Variants in CAPN5 observed in about 807,000 individuals in gnomAD.
CAPN5 encodes the protein calpain-5.
A neutral mutation model predicts 73.0 loss-of-function variants in CAPN5; 54 were observed. The ratio of observed to expected loss-of-function variants is 0.74; its 90% CI spans 0.59 to 0.93. The LOEUF (loss-of-function observed/expected upper bound fraction) is 0.93, where lower values mean the gene tolerates loss of function less well. Among genes scored for constraint, CAPN5 ranks in the 40% least tolerant of loss-of-function variants. CAPN5 has a pLI of 0.00. For synonymous variants in CAPN5, 335 were observed against 356.9 expected (o/e 0.94, Z 0.69); for missense variants, 785 against 882.9 (o/e 0.89, Z 1.41).
intron 2 of CAPN5, among the ~76,000 whole-genome samples, chr11:77,090,741 T>C (rs1448514722): frequency 2.0e-5 from 3 of 152,130 alleles, no homozygotes; most frequent in Non-Finnish European, 4.4e-5. Flanking sequence ...GTCCTCCGTA[T>C]ATGGAAGCCC....
intron 3 of CAPN5, among the ~76,000 whole-genome samples, chr11:77,094,741 G>A (rs1386304855): frequency 5.9e-5 from 9 of 152,326 alleles, no homozygotes; most frequent in Non-Finnish European, 1.2e-4. Flanking sequence ...AAGGACAATC[G>A]GAGTAGCTGT....
rs1325813997 is a variant in CAPN5, at chr11:77,125,173, A to C, written c.*1303A>C. Reference sequence around the variant, plus strand: ...GCTTCCAGACCAGGTGTAGCAAATGAAAAAGTGCAGTTAATTCAAGAACAG... The same window carrying C: ...GCTTCCAGACCAGGTGTAGCAAATGCAAAAGTGCAGTTAATTCAAGAACAG... On this transcript the variant is annotated 3_prime_UTR_variant, in exon 13 of 13. Coordinates refer to ENST00000648180, the MANE Select transcript of CAPN5 (RefSeq NM_004055.5). 1 of 152,494 alleles carries C rather than the reference A, an allele frequency of 6.6e-6. No individual in the cohort carries two copies. The highest frequency in any genetic ancestry group is 1.5e-5 in the Non-Finnish European group (1 of 68,040). 9.4% of individuals were successfully genotyped at this position (152,494 alleles called of 1,614,324 possible).
Position 77,100,311 on chromosome 11 carries a change from A to G in CAPN5, c.297+6498A>G, listed in dbSNP as rs115883313. 9.3e-3 allele frequency among the ~76,000 whole-genome samples: 1,407 copies of G among 152,046 alleles called. 15 individuals are homozygous for G. The highest frequency in any genetic ancestry group is 0.03 in the African/African-American group (1,257 of 41,464). ...CCTGTCCCCAGCTGCAGCCTCCTGC[A>G]TCCTGCCTGCTCCCTTGCCCACAAG... On this transcript the variant is annotated intron_variant, in intron 3 of 12. Transcript: ENST00000648180.
chr11:77,122,444 C>A, intron 11 of CAPN5, 132 bp from the exon 12 acceptor site: 2 of 766,678 alleles, frequency 2.6e-6, no homozygotes, highest in Non-Finnish European at 4.3e-6. Context: ...ACGAAGGGGC[C>A]CTGAGGTGGG....
intron 1 of CAPN5, among the ~76,000 whole-genome samples, chr11:77,071,134 C>A (rs1049807702): frequency 1.3e-5 from 2 of 152,250 alleles, no homozygotes; most frequent in South Asian, 4.2e-4. Flanking sequence ...CAGCTCCCGC[C>A]CCCACCCCAG....
intron 6 of CAPN5, 147 bp downstream of exon 6, chr11:77,115,735 G>A: frequency 1.5e-6 from 1 of 674,090 alleles, no homozygotes; most frequent in Non-Finnish European, 2.5e-6. Flanking sequence ...GAATTACTTT[G>A]CAGTGGTTGT....
At position 77,125,579 on chromosome 11, in the gene CAPN5, AC is replaced by A. The variant is rs1950566197; in HGVS notation, c.*1713del. The A allele has an allele frequency of 6.7e-6, 1 of 150,292 alleles. No homozygotes were observed. The highest frequency in any genetic ancestry group is 2.1e-4 in the South Asian group (1 of 4,720). The allele number at this position is 150,292 out of a possible 1,614,324, so 9.3% of individuals were successfully genotyped here. ...GAGTGCTGAGTAAGGGCAAAATAAT[AC>A]CCCTTTCTCTATGTATCTCTGTATG... On this transcript the variant is annotated 3_prime_UTR_variant, in exon 13 of 13. Coordinates refer to ENST00000648180, the MANE Select transcript of CAPN5 (RefSeq NM_004055.5).
intron 1 of CAPN5, among the ~76,000 whole-genome samples, chr11:77,076,549 C>A (rs1949970466): frequency 1.3e-5 from 2 of 152,170 alleles, no homozygotes; most frequent in Non-Finnish European, 2.9e-5. Flanking sequence ...CTGTTAACCA[C>A]CATTTTACCT....
chr11:77,118,105 A>C lies in CAPN5; in HGVS notation c.972-52A>C, dbSNP rs1428612368. ...TAGGTTGTTGGGCTGGGGGGCCAAGAGCCTGGGGAGGTGTGGGGGAGGTAC... is the reference window on the plus strand; with the variant it reads ...TAGGTTGTTGGGCTGGGGGGCCAAGCGCCTGGGGAGGTGTGGGGGAGGTAC... On this transcript the variant is annotated intron_variant, in intron 7 of 12. Coordinates refer to ENST00000648180, the MANE Select transcript of CAPN5 (RefSeq NM_004055.5). The C allele has an allele frequency of 2.6e-6, 4 of 1,530,992 alleles. No individual in the cohort carries two copies. In the African/African-American group the frequency reaches 5.5e-5, roughly 21 times the overall value. 94.8% of individuals were successfully genotyped at this position (1,530,992 alleles called of 1,614,324 possible).
chr11:77,086,854 C>T (rs530545946), intron 2 of CAPN5, among the ~76,000 whole-genome samples: 12 of 152,210 alleles, frequency 7.9e-5, no homozygotes, highest in African/African-American at 1.4e-4. Context: ...GAGGAGGAGA[C>T]GCCAGGTTGG....
chr11:77,074,980 C>T lies in CAPN5; in HGVS notation c.-36+7886C>T, dbSNP rs372888304. Among the ~76,000 whole-genome samples, 195 of 152,340 alleles carry T rather than the reference C, an allele frequency of 1.3e-3. 1 individual carries two copies. Among genetic ancestry groups the T allele is most frequent in the African/African-American group, 4.2e-3 (173 of 41,584 alleles). On this transcript the variant is annotated intron_variant, in intron 1 of 12. Coordinates refer to ENST00000648180, the MANE Select transcript of CAPN5 (RefSeq NM_004055.5). ...AGACTGCCAGTCCAAGTCCTGTGGCCGTTCTTCTGGTCTTTCTGGTTTAGT... is the reference window on the plus strand; with the variant it reads ...AGACTGCCAGTCCAAGTCCTGTGGCTGTTCTTCTGGTCTTTCTGGTTTAGT...
chr11:77,115,697 G>A, intron 6 of CAPN5, 109 bp downstream of exon 6: 3 of 821,526 alleles, frequency 3.7e-6, no homozygotes, highest in Non-Finnish European at 5.8e-6. Flanking sequence ...GGATCTGGGG[G>A]AGGATGACAC....
At chr11:77,104,647 C>G (rs1555039583) in intron 3 of CAPN5, among the ~76,000 whole-genome samples, 1 of 151,928 alleles carries the variant, frequency 6.6e-6, no homozygotes, top group African/African-American at 2.4e-5. Flanking sequence ...GAGTGCCTGA[C>G]CTGCACCTAA....
At chr11:77,076,821 G>A (rs1411529101) in intron 1 of CAPN5, among the ~76,000 whole-genome samples, 1 of 152,162 alleles carries the variant, frequency 6.6e-6, no homozygotes, top group Non-Finnish European at 1.5e-5. Context: ...GTGCTGCAGT[G>A]AACATGGGAG....
At chr11:77,116,048 A>G (rs1029274823) in intron 6 of CAPN5, among the ~76,000 whole-genome samples, 178 bp from the exon 7 acceptor site, 6 of 151,920 alleles carry the variant, frequency 3.9e-5, no homozygotes, top group Non-Finnish European at 2.9e-5. Context: ...TTGTGGGAGG[A>G]GACAGGCAGG....
Position 77,124,133 on chromosome 11 carries a change from C to T in CAPN5, c.*263C>T, listed in dbSNP as rs1001767441. 24 of 492,148 alleles carry T rather than the reference C, an allele frequency of 4.9e-5. 1 individual carries two copies. In the South Asian group the frequency reaches 6.7e-4, roughly 14 times the overall value. The allele number at this position is 492,148 out of a possible 1,614,324, so 30.5% of individuals were successfully genotyped here. A position where few individuals can be genotyped will look rare whatever the true frequency, so the allele number is the denominator to read the frequency against. Reference sequence around the variant, plus strand: ...CAACTGTCACCACTGCTAAGGGACTCTATCCATTGAGCACATTTTCCTAAG... The same window carrying T: ...CAACTGTCACCACTGCTAAGGGACTTTATCCATTGAGCACATTTTCCTAAG... On this transcript the variant is annotated 3_prime_UTR_variant, in exon 13 of 13. Transcript: ENST00000648180.
At chr11:77,120,660 A>C in intron 9 of CAPN5, 53 bp from the exon 10 acceptor site, 2 of 1,298,116 alleles carry the variant, frequency 1.5e-6, no homozygotes, top group Non-Finnish European at 2.1e-6. Flanking sequence ...GGGGTGGGCC[A>C]GGGTGTTGTA....
intron 1 of CAPN5, among the ~76,000 whole-genome samples, chr11:77,072,512 A>C (rs1170535822): frequency 6.6e-6 from 1 of 152,186 alleles, no homozygotes; most frequent in Admixed American, 6.5e-5. Flanking sequence ...CAGGACACCC[A>C]GGGCTGGAGA....
chr11:77,103,351 C>T (rs1555039339), intron 3 of CAPN5: 3 of 1,597,302 alleles, frequency 1.9e-6, no homozygotes, highest in Non-Finnish European at 2.6e-6. Flanking sequence ...CCAGCTGCTG[C>T]TCTCCTCTAG....
Sources: gnomAD v4.1 joint callset for allele counts (sites outside exome capture counted in the v4.1 genomes callset) on GRCh38, gnomAD v4.1.1 for gene constraint, MANE v1.5 for transcripts, NCBI Gene and HGNC (gene_info 2026-07-23, HGNC 2026-07-21) for gene names.